Variants in GRIK2 observed in about 807,000 individuals in gnomAD.
GRIK2 encodes the protein glutamate receptor ionotropic, kainate 2.
A neutral mutation model predicts 100.3 loss-of-function variants in GRIK2; 32 were observed. The observed-to-expected ratio is 0.32, with a 90% confidence interval of 0.24 to 0.43. The LOEUF (loss-of-function observed/expected upper bound fraction) is 0.43, where lower values mean the gene tolerates loss of function less well. Among genes scored for constraint, GRIK2 ranks in the 20% least tolerant of loss-of-function variants. The pLI is 1.00. For missense variants in GRIK2, 843 were observed against 1,114.9 expected, an observed-to-expected ratio of 0.76 and a Z score of 3.47; for synonymous variants, 417 against 389.4, an observed-to-expected ratio of 1.07 and a Z score of -0.83.
intron 16 of GRIK2, among the ~76,000 whole-genome samples, chr6:102,057,526 A>G (rs183646917): frequency 6.6e-6 from 1 of 152,184 alleles, no homozygotes; most frequent in East Asian, 1.9e-4. Flanking sequence ...TTAGAAAAAT[A>G]AAATTAATGT....
intron 15 of GRIK2, among the ~76,000 whole-genome samples, chr6:102,044,790 G>T (rs1770794424): frequency 6.6e-6 from 1 of 151,758 alleles, no homozygotes; most frequent in Non-Finnish European, 1.5e-5. Flanking sequence ...GTTTCCTTCT[G>T]CCTGAGTTTA....
intron 15 of GRIK2, 64 bp from the exon 16 acceptor site, chr6:102,055,266 G>T: frequency 7.7e-7 from 1 of 1,304,806 alleles, no homozygotes. Flanking sequence ...CTCTCATCTT[G>T]CTAACCTTTA....
At chr6:101,830,891 C>T (rs1000214829) in intron 10 of GRIK2, among the ~76,000 whole-genome samples, 3 of 151,998 alleles carry the variant, frequency 2.0e-5, no homozygotes, top group African/African-American at 7.2e-5. Flanking sequence ...TGTATGTTCT[C>T]ACTTATAAGT....
chr6:102,067,617 G>T (rs568896614), intron 16 of GRIK2, among the ~76,000 whole-genome samples: 3 of 151,780 alleles, frequency 2.0e-5, no homozygotes, highest in Non-Finnish European at 4.4e-5. Context: ...CAATGAGATG[G>T]GAACTAAGAC....
intron 5 of GRIK2, among the ~76,000 whole-genome samples, chr6:101,682,235 C>G (rs547355749): frequency 6.6e-6 from 1 of 152,110 alleles, no homozygotes; most frequent in Admixed American, 6.6e-5. Flanking sequence ...GAAGACGTTA[C>G]GAATGTAACA....
intron 4 of GRIK2, among the ~76,000 whole-genome samples, chr6:101,643,240 T>A (rs1781363329): frequency 6.6e-6 from 1 of 151,648 alleles, no homozygotes; most frequent in Admixed American, 6.6e-5. Flanking sequence ...CCAGTTTATT[T>A]TTACTTTTTT....
chr6:102,057,995 A>T (rs967163506), intron 16 of GRIK2, among the ~76,000 whole-genome samples: 2 of 151,732 alleles, frequency 1.3e-5, no homozygotes, highest in African/African-American at 4.8e-5. Flanking sequence ...TTCATTTCCT[A>T]TTGCAATGAA....
intron 2 of GRIK2, among the ~76,000 whole-genome samples, chr6:101,511,524 A>G (rs1417306022): frequency 6.6e-6 from 1 of 152,000 alleles, no homozygotes; most frequent in African/African-American, 2.4e-5. Context: ...TATATTAAGC[A>G]TTTTGGACAC....
At chr6:101,618,086 C>A (rs1394626869) in intron 2 of GRIK2, among the ~76,000 whole-genome samples, 1 of 151,496 alleles carries the variant, frequency 6.6e-6, no homozygotes, top group Admixed American at 6.6e-5. Context: ...ACATTTTTAC[C>A]TTTATAAGCA....
chr6:101,399,294 C>A lies in GRIK2; in HGVS notation c.17C>A (p.Pro6Gln). 1 of 1,555,032 alleles carries A rather than the reference C, an allele frequency of 6.4e-7. No individual in the cohort carries two copies. The highest frequency in any genetic ancestry group is 8.9e-7 in the Non-Finnish European group (1 of 1,126,150). ...AGAAACACCATGAAGATTATTTTCC[C>A]GATTCTAAGTAATCCAGTCTTCAGG... is the stretch of plus-strand genomic sequence containing the variant. MKIIF[P>Q]ILSNPVFRRT... is the part of the protein sequence containing the mutation. The change falls in exon 2 of 17, where the codon CCG (proline) becomes CAG (glutamine). Residue 6 changes from proline (P) to glutamine (Q), a missense_variant. Coordinates refer to ENST00000369134, the MANE Select transcript of GRIK2 (RefSeq NM_021956.5).
chr6:101,708,453 T>A (rs1051374221), intron 7 of GRIK2, among the ~76,000 whole-genome samples: 1 of 151,686 alleles, frequency 6.6e-6, no homozygotes, highest in Non-Finnish European at 1.5e-5. Flanking sequence ...AGTGGTTTGA[T>A]ATATATTTTT....
intron 14 of GRIK2, among the ~76,000 whole-genome samples, chr6:101,995,778 A>G (rs188659949): frequency 6.6e-6 from 1 of 151,990 alleles, no homozygotes; most frequent in East Asian, 1.9e-4. Flanking sequence ...ATTGTATCTG[A>G]CAATCCTATT....
chr6:101,467,223 G>T (rs1403557064), intron 2 of GRIK2, among the ~76,000 whole-genome samples: 3 of 152,110 alleles, frequency 2.0e-5, no homozygotes, highest in African/African-American at 7.2e-5. Context: ...TATGAATGGG[G>T]ACTACATATA....
intron 7 of GRIK2, among the ~76,000 whole-genome samples, chr6:101,754,778 T>C (rs1777020030): frequency 6.6e-6 from 1 of 152,150 alleles, no homozygotes; most frequent in Non-Finnish European, 1.5e-5. Flanking sequence ...GTGATCCAGA[T>C]AGCAGAAACG....
intron 2 of GRIK2, among the ~76,000 whole-genome samples, chr6:101,510,577 C>T (rs1240236927): frequency 8.1e-6 from 1 of 124,170 alleles, no homozygotes; most frequent in African/African-American, 3.1e-5. Context: ...GGCTGGAGTG[C>T]AGTGGCATGA....
At chr6:101,875,095 C>A (rs146007956) in intron 11 of GRIK2, among the ~76,000 whole-genome samples, 3 of 152,178 alleles carry the variant, frequency 2.0e-5, no homozygotes, top group Non-Finnish European at 1.5e-5. Context: ...ATTTCTTTCT[C>A]CTGCCTGATT....
intron 10 of GRIK2, among the ~76,000 whole-genome samples, chr6:101,838,505 G>A (rs183500740): frequency 1.3e-5 from 2 of 152,268 alleles, no homozygotes; most frequent in Admixed American, 1.3e-4. Flanking sequence ...GAAACACACT[G>A]TCACAGTAAG....
chr6:101,456,132 T>TAAA (rs1181183306), intron 2 of GRIK2, among the ~76,000 whole-genome samples: 1 of 148,066 alleles, frequency 6.8e-6, no homozygotes, highest in African/African-American at 2.5e-5. Context: ...TTTTTTTTTT[T>TAAA]AAAAAAAGAG....
At chr6:101,680,080 TC>T (rs1670667995) in intron 5 of GRIK2, among the ~76,000 whole-genome samples, 1 of 152,138 alleles carries the variant, frequency 6.6e-6, no homozygotes, top group Admixed American at 6.5e-5. Flanking sequence ...CATTAACTGA[TC>T]CTTGTTTTCA....
Sources: allele counts gnomAD v4.1 joint callset (sites outside exome capture counted in the v4.1 genomes callset), GRCh38; gene constraint gnomAD v4.1.1; transcripts MANE v1.5; gene names NCBI Gene and HGNC (gene_info 2026-07-23, HGNC 2026-07-21).